The following SMC1B variants were observed in gnomAD, a reference collection of about 807,000 sequenced individuals.
The protein encoded by SMC1B is structural maintenance of chromosomes protein 1B.
Under a neutral mutation model 157.9 loss-of-function variants are expected in SMC1B, and 60 were observed. That is an observed-to-expected ratio of 0.38 (90% CI 0.31 to 0.47). The LOEUF (loss-of-function observed/expected upper bound fraction) is 0.47, where lower values mean the gene tolerates loss of function less well. Ranked by LOEUF, SMC1B falls within the 20% of genes least tolerant of loss-of-function variation. The pLI is 0.99. For missense variants in SMC1B, 1,165 were observed against 1,426.2 expected, an observed-to-expected ratio of 0.82 and a Z score of 2.95; for synonymous variants, 445 against 483.0, an observed-to-expected ratio of 0.92 and a Z score of 1.03.
chr22:45,367,301 G>A (rs535318355), intron 15 of SMC1B, among the ~76,000 whole-genome samples: 21 of 151,966 alleles, frequency 1.4e-4, no homozygotes, highest in African/African-American at 1.9e-4. Flanking sequence ...TTTTTTCCCC[G>A]CTGATAGGCT....
At chr22:45,375,988 G>C (rs1254479871) in intron 12 of SMC1B, among the ~76,000 whole-genome samples, 1 of 152,120 alleles carries the variant, frequency 6.6e-6, no homozygotes, top group Non-Finnish European at 1.5e-5. Flanking sequence ...TGAGCTGTAA[G>C]CCCATCTGGT....
At chr22:45,374,558 C>G (rs1182032189) in intron 12 of SMC1B, among the ~76,000 whole-genome samples, 1 of 152,122 alleles carries the variant, frequency 6.6e-6, no homozygotes, top group African/African-American at 2.4e-5. Context: ...CAGTTTGGAC[C>G]AAATTCTAAT....
intron 11 of SMC1B, among the ~76,000 whole-genome samples, chr22:45,384,749 C>T (rs2086973588): frequency 6.6e-6 from 1 of 151,536 alleles, no homozygotes; most frequent in Non-Finnish European, 1.5e-5. Flanking sequence ...AAAAAATTTC[C>T]CATGGTTTCT....
intron 12 of SMC1B, 47 bp from the exon 13 acceptor site, chr22:45,372,339 T>C (rs1396491355): frequency 6.7e-7 from 1 of 1,502,928 alleles, no homozygotes; most frequent in Middle Eastern, 2.2e-4. Context: ...AGAAAAGCAC[T>C]TTCACTTTTC....
chr22:45,384,359 A>C (rs1386378126), intron 11 of SMC1B, among the ~76,000 whole-genome samples: 1 of 152,140 alleles, frequency 6.6e-6, no homozygotes, highest in African/African-American at 2.4e-5. Context: ...ACTCTTTATT[A>C]GGTGAATTCA....
At chr22:45,412,359 C>T (rs995602115) in intron 1 of SMC1B, among the ~76,000 whole-genome samples, 2 of 150,830 alleles carry the variant, frequency 1.3e-5, no homozygotes, top group Non-Finnish European at 2.9e-5. Context: ...TGTCACCACA[C>T]CCGATTAATT....
chr22:45,398,136 G>A (rs898552588), intron 6 of SMC1B, among the ~76,000 whole-genome samples: 2 of 152,180 alleles, frequency 1.3e-5, no homozygotes, highest in Non-Finnish European at 1.5e-5. Flanking sequence ...GCTGCAGACA[G>A]GACTAAAGAG....
chr22:45,377,307 T>C (rs1028452591), intron 12 of SMC1B, among the ~76,000 whole-genome samples: 6 of 152,180 alleles, frequency 3.9e-5, no homozygotes, highest in Non-Finnish European at 7.3e-5. Flanking sequence ...CCCTTTTCTA[T>C]TTTCATTTGT....
In SMC1B at chr22:45,402,456, T is replaced by C. The variant is rs767160059; in HGVS notation, c.731A>G (p.His244Arg). ...KIHLLNTKLE[H>R]VNRDLSVKRE... is the part of the protein sequence containing the mutation. ...TTTGACACTCAAATCCCTATTCACA[T>C]GCTCTAACTTGGTGTTCAGGAGATG... The change falls in exon 5 of 25, where the codon CAT (histidine) becomes CGT (arginine). Residue 244 changes from histidine to arginine, a missense_variant. By Grantham distance (29) the His-to-Arg change is conservative (BLOSUM62 0). Transcript: ENST00000357450. The C allele has an allele frequency of 1.2e-6, 2 of 1,613,966 alleles. No individual in the cohort carries two copies. The highest frequency in any genetic ancestry group is 2.2e-5 in the South Asian group (2 of 91,076).
intron 19 of SMC1B, among the ~76,000 whole-genome samples, chr22:45,356,018 C>T (rs1057302081): frequency 5.9e-5 from 9 of 152,060 alleles, no homozygotes; most frequent in African/African-American, 1.7e-4. Context: ...TGCAGTGAGC[C>T]GAGATTGCAC....
chr22:45,410,547 C>T (rs935796794), intron 1 of SMC1B, among the ~76,000 whole-genome samples: 1 of 151,890 alleles, frequency 6.6e-6, no homozygotes, highest in African/African-American at 2.4e-5. Flanking sequence ...TACTAAAATA[C>T]AAAAAATTAG....
intron 6 of SMC1B, among the ~76,000 whole-genome samples, chr22:45,397,256 C>T (rs1351215374): frequency 2.0e-5 from 3 of 152,128 alleles, no homozygotes; most frequent in Non-Finnish European, 4.4e-5. Flanking sequence ...GTGGATCATG[C>T]CTGTAATCCC....
Position 45,406,432 on chromosome 22 carries a change from T to G in SMC1B, c.615+28A>C, listed in dbSNP as rs1378301857. ...CATAGAAAGTTTTATATCCAACAACTAATGGTTACATCTTCATGACATCTT... is the reference window on the plus strand; with the variant it reads ...CATAGAAAGTTTTATATCCAACAACGAATGGTTACATCTTCATGACATCTT... On this transcript the variant is annotated intron_variant, in intron 4 of 24. Coordinates refer to ENST00000357450, the MANE Select transcript of SMC1B (RefSeq NM_148674.5). 9.5e-6 allele frequency: 15 copies of G among 1,579,278 alleles called. No homozygotes were observed. The African/African-American group carries it at 1.9e-4, about 20-fold the overall frequency.
chr22:45,365,502 G>A (rs1049484926), intron 15 of SMC1B, among the ~76,000 whole-genome samples: 7 of 152,064 alleles, frequency 4.6e-5, no homozygotes, highest in African/African-American at 1.4e-4. Context: ...CCCAGGAATT[G>A]AAGACCAGCC....
At chr22:45,386,838 A>G in intron 11 of SMC1B, 29 bp downstream of exon 11, 1 of 1,596,760 alleles carries the variant, frequency 6.3e-7, no homozygotes, top group Non-Finnish European at 8.6e-7. Flanking sequence ...CAACTTATCC[A>G]AAGGTGTGAT....
At chr22:45,361,714 T>TG in intron 17 of SMC1B, 125 bp downstream of exon 17, 1 of 898,328 alleles carries the variant, frequency 1.1e-6, no homozygotes, top group Middle Eastern at 2.4e-4. Flanking sequence ...TTGAAGGGTG[T>TG]GATGTGAGAC....
chr22:45,409,009 C>T, intron 1 of SMC1B, 111 bp from the exon 2 acceptor site: 1 of 604,646 alleles, frequency 1.7e-6, no homozygotes, highest in Non-Finnish European at 2.9e-6. Context: ...AAAGACATGT[C>T]CTTTTTAATC....
At chr22:45,368,718 T>C (rs1436511348) in intron 15 of SMC1B, among the ~76,000 whole-genome samples, 2 of 120,742 alleles carry the variant, frequency 1.7e-5, no homozygotes, top group African/African-American at 8.7e-5. Context: ...GGTTTTACCA[T>C]CTTGGCCAGG....
In SMC1B at chr22:45,354,985, C is replaced by T. The variant is rs750120080; in HGVS notation, c.3092G>A (p.Arg1031Lys). Residue 1031 changes from arginine to lysine, a missense_variant, in exon 20 of 25, where the codon AGA becomes AAA. Physicochemically the swap from Arg to Lys is conservative, Grantham distance 26. Coordinates refer to ENST00000357450, the MANE Select transcript of SMC1B (RefSeq NM_148674.5). ...ATCTGTGGACTCTTGAAACTTGTCTCTGACAGTCTTTAAGTTCTCCAGTGC... is the reference window on the plus strand; with the variant it reads ...ATCTGTGGACTCTTGAAACTTGTCTTTGACAGTCTTTAAGTTCTCCAGTGC... ...LRALENLKTV[R>K]DKFQESTDAF... 6.2e-7 allele frequency: 1 copy of T among 1,614,160 alleles called. No homozygotes were observed. The highest frequency in any genetic ancestry group is 1.7e-5 in the Admixed American group (1 of 60,018).
Sources: gnomAD v4.1 joint callset for allele counts (sites outside exome capture counted in the v4.1 genomes callset) on GRCh38, gnomAD v4.1.1 for gene constraint, MANE v1.5 for transcripts, NCBI Gene and HGNC (gene_info 2026-07-23, HGNC 2026-07-21) for gene names.